The following ALDH18A1 variants were observed in gnomAD, a reference collection of about 807,000 sequenced individuals.
ALDH18A1 encodes aldehyde dehydrogenase 18 family member A1.
Under a neutral mutation model 88.8 loss-of-function variants are expected in ALDH18A1, and 44 were observed. The observed-to-expected ratio is 0.50, with a 90% CI of 0.39 to 0.64. ALDH18A1 has a LOEUF of 0.64. ALDH18A1 is among the 30% of genes least tolerant of loss of function. ALDH18A1 has a pLI of 0.00. For synonymous variants in ALDH18A1, 331 were observed against 372.1 expected (o/e 0.89, Z 1.27); for missense variants, 782 against 1,009.5 (o/e 0.77, Z 3.05).
intron 11 of ALDH18A1, among the ~76,000 whole-genome samples, chr10:95,623,603 T>C (rs995615262): frequency 1.5e-4 from 23 of 151,774 alleles, no homozygotes; most frequent in African/African-American, 5.6e-4. Context: ...TTTGCTCTTG[T>C]TGTCCAGACT....
intron 17 of ALDH18A1, among the ~76,000 whole-genome samples, chr10:95,608,313 A>G (rs1263666569): frequency 6.6e-6 from 1 of 152,244 alleles, no homozygotes; most frequent in Non-Finnish European, 1.5e-5. Flanking sequence ...TATAAAGATC[A>G]ATGCAAGTGA....
At chr10:95,653,685 TCCAAATTTAAAAAA>T (rs951306199) in intron 1 of ALDH18A1, among the ~76,000 whole-genome samples, 2 of 152,206 alleles carry the variant, frequency 1.3e-5, no homozygotes, top group African/African-American at 4.8e-5. Flanking sequence ...TTTGGTATCT[TCCAAATTTAAAAAA>T]AATCTTTCAG....
intron 3 of ALDH18A1, among the ~76,000 whole-genome samples, chr10:95,638,409 G>A (rs536250403): frequency 6.6e-6 from 1 of 152,292 alleles, no homozygotes; most frequent in East Asian, 1.9e-4. Flanking sequence ...TGGTGCAAAA[G>A]TAATTGCAGT....
chr10:95,652,087 T>A (rs2097911288), intron 2 of ALDH18A1, among the ~76,000 whole-genome samples: 1 of 152,224 alleles, frequency 6.6e-6, no homozygotes, highest in Admixed American at 6.5e-5. Context: ...TGAATGAATC[T>A]CCAGAGAATT....
chr10:95,614,217 A>G (rs2097840752), intron 13 of ALDH18A1, 56 bp from the exon 14 acceptor site: 15 of 1,550,202 alleles, frequency 9.7e-6, no homozygotes, highest in Non-Finnish European at 1.3e-5. Flanking sequence ...CAAAATATAA[A>G]AACAGCAGCT....
intron 6 of ALDH18A1, 24 bp from the exon 7 acceptor site, chr10:95,633,073 T>C: frequency 6.3e-7 from 1 of 1,587,410 alleles, no homozygotes. Context: ...TAAAAAGTCA[T>C]AAGTGAGTGA....
At position 95,643,178 on chromosome 10, in the gene ALDH18A1, A is replaced by G; in HGVS notation, c.117T>C (p.His39=). 6.2e-7 allele frequency: 1 copy of G among 1,614,224 alleles called. No individual in the cohort carries two copies. Among genetic ancestry groups the G allele is most frequent in the Admixed American group, 1.7e-5 (1 of 60,028 alleles). ...ACGGGATGTTGCTCCAAGAACGAAC[A>G]TGTCTGATGACTGAAGGCTGGATAC... The part of the protein sequence containing the change: ...SHCIQPSVIR[H]VRSWSNIPFI... The change falls in exon 3 of 18, where the codon CAT becomes CAC. Residue 39 remains histidine, a synonymous_variant. Transcript: ENST00000371224.
chr10:95,638,322 C>T (rs1589546724), intron 3 of ALDH18A1, among the ~76,000 whole-genome samples: 1 of 152,146 alleles, frequency 6.6e-6, no homozygotes, highest in Non-Finnish European at 1.5e-5. Context: ...CATGCCTGGC[C>T]TAAGTAAGAC....
At chr10:95,635,435 C>T (rs1030661831) in intron 5 of ALDH18A1, among the ~76,000 whole-genome samples, 5 of 152,168 alleles carry the variant, frequency 3.3e-5, no homozygotes, top group African/African-American at 1.2e-4. Context: ...CGTGTTTAGA[C>T]AAGCGCAATC....
chr10:95,616,664 C>T (rs1369811059), intron 12 of ALDH18A1, 50 bp from the exon 13 acceptor site: 13 of 1,577,382 alleles, frequency 8.2e-6, no homozygotes, highest in Non-Finnish European at 1.1e-5. Flanking sequence ...ACAGTAATAG[C>T]AACAGTGATG....
chr10:95,619,604 A>ACC (rs1313342709), intron 12 of ALDH18A1, among the ~76,000 whole-genome samples: 31 of 152,194 alleles, frequency 2.0e-4, no homozygotes, highest in Non-Finnish European at 4.0e-4. Flanking sequence ...AGACCAATGG[A>ACC]ACAGAACAGA....
rs1290552678 is a variant in ALDH18A1, at chr10:95,606,843, G to A, written c.2307C>T (p.His769=). Residue 769 remains histidine (H), a synonymous_variant, in exon 18 of 18, where the codon CAC becomes CAT. Coordinates refer to ENST00000371224, the MANE Select transcript of ALDH18A1 (RefSeq NM_002860.4). The stretch of plus-strand genomic sequence containing the variant: ...CATGCTCTGAGAAATCTGAGACCAC[G>A]TGGTCCTTCCCTCGCAGCAGCCACT... ...TTKWLLRGKD[H]VVSDFSEHGS... 3.7e-6 allele frequency: 6 copies of A among 1,614,192 alleles called. No individual in the cohort carries two copies. Among genetic ancestry groups the A allele is most frequent in the African/African-American group, 1.3e-5 (1 of 75,044 alleles).
chr10:95,637,275 A>G lies in ALDH18A1; in HGVS notation c.453+12T>C, dbSNP rs2097882552. 1 of 1,614,214 alleles carries G rather than the reference A, an allele frequency of 6.2e-7. No homozygotes were observed. The highest frequency in any genetic ancestry group is 8.5e-7 in the Non-Finnish European group (1 of 1,180,038). On this transcript the variant is annotated intron_variant, in intron 4 of 17. Transcript: ENST00000371224. Reference sequence around the variant, plus strand: ...GAAGATCCATTTCAATGTGTGGGGAAGCAGCACTCACCATTTCTTTCAGCT... The same window carrying G: ...GAAGATCCATTTCAATGTGTGGGGAGGCAGCACTCACCATTTCTTTCAGCT...
chr10:95,612,566 T>A (rs1015113396), intron 15 of ALDH18A1, among the ~76,000 whole-genome samples: 16 of 152,192 alleles, frequency 1.1e-4, no homozygotes, highest in Admixed American at 2.0e-4. Context: ...TGGAACCCCA[T>A]CCCTGTGCAA....
rs55659918 is a variant in ALDH18A1 at position 95,609,769 on chromosome 10, A to ATTTTTTTTTTTTTTTTT, written c.2206+427_2206+428insAAAAAAAAAAAAAAAAA. 1.2e-4 allele frequency among the ~76,000 whole-genome samples: 14 copies of ATTTTTTTTTTTTTTTTT among 114,220 alleles called. 1 individual carries two copies. Among genetic ancestry groups the ATTTTTTTTTTTTTTTTT allele is most frequent in the Admixed American group, 2.1e-4 (2 of 9,572 alleles). The allele number at this position is 114,220 out of a possible 152,430, so 74.9% of individuals were successfully genotyped here. A position where few individuals can be genotyped will look rare whatever the true frequency, so the allele number is the denominator to read the frequency against. On this transcript the variant is annotated intron_variant, in intron 17 of 17. Coordinates refer to ENST00000371224, the MANE Select transcript of ALDH18A1 (RefSeq NM_002860.4). ...CCTACCTTGCCAGAAGTCTGTCTCT[A>ATTTTTTTTTTTTTTTTT]TTTTTTTTTTTTTTTTGAGATGGTG...
chr10:95,609,494 C>T (rs1037463781), intron 17 of ALDH18A1, among the ~76,000 whole-genome samples: 6 of 152,198 alleles, frequency 3.9e-5, no homozygotes, highest in Admixed American at 2.0e-4. Flanking sequence ...GTACCTCTGG[C>T]GCAGCCTGTG....
chr10:95,656,276 C>T (rs1169171209), intron 1 of ALDH18A1, among the ~76,000 whole-genome samples: 1 of 152,230 alleles, frequency 6.6e-6, no homozygotes, highest in East Asian at 1.9e-4. Context: ...CTCCACTTGG[C>T]CCAGTTCCTT....
intron 12 of ALDH18A1, among the ~76,000 whole-genome samples, chr10:95,617,349 C>T (rs914844223): frequency 3.9e-5 from 6 of 152,264 alleles, no homozygotes; most frequent in African/African-American, 1.4e-4. Context: ...TAAGGAAGCA[C>T]TTGCTTCATC....
intron 2 of ALDH18A1, among the ~76,000 whole-genome samples, chr10:95,649,204 A>G (rs1419484704): frequency 6.6e-6 from 1 of 151,158 alleles, no homozygotes; most frequent in Admixed American, 6.6e-5. Context: ...CTCACACCTT[A>G]TACAAAAATT....
Sources: gnomAD v4.1 joint callset for allele counts (sites outside exome capture counted in the v4.1 genomes callset) on GRCh38, gnomAD v4.1.1 for gene constraint, MANE v1.5 for transcripts, NCBI Gene and HGNC (gene_info 2026-07-23, HGNC 2026-07-21) for gene names.